CORO2B: variants seen among roughly 807,000 people sequenced by gnomAD.
CORO2B encodes coronin-2B.
A neutral mutation model predicts 58.8 loss-of-function variants in CORO2B; 26 were observed. The ratio of observed to expected loss-of-function variants is 0.44; its 90% CI spans 0.32 to 0.61. The LOEUF (loss-of-function observed/expected upper bound fraction) is 0.61, where lower values mean the gene tolerates loss of function less well. CORO2B is among the 20% of genes least tolerant of loss of function. CORO2B has a pLI of 0.04. For missense variants in CORO2B, 460 were observed against 645.1 expected (o/e 0.71, Z 3.11); for synonymous variants, 242 against 253.8 (o/e 0.95, Z 0.44).
intron 1 of CORO2B, among the ~76,000 whole-genome samples, chr15:68,604,733 G>T (rs4777072): frequency 0.44 from 66,112 of 151,980 alleles, 15,785 homozygotes; most frequent in African/African-American, 0.63. Context: ...TTATGGGTGC[G>T]TTTGTTTACA....
At chr15:68,696,580 C>CAGGGAA (rs141610367) in intron 3 of CORO2B, among the ~76,000 whole-genome samples, 59 of 113,124 alleles carry the variant, frequency 5.2e-4, no homozygotes, top group African/African-American at 1.7e-3. Context: ...AAAAAGAATC[C>CAGGGAA]AGGGAAAGTG....
At chr15:68,698,468 C>T (rs1892565895) in intron 3 of CORO2B, among the ~76,000 whole-genome samples, 1 of 152,160 alleles carries the variant, frequency 6.6e-6, no homozygotes, top group South Asian at 2.1e-4. Context: ...TCCAGGACCC[C>T]AGCTTGTAAA....
At chr15:68,539,544 G>A in the CORO2B span, among the ~76,000 whole-genome samples, 1 of 151,780 alleles carries the variant, frequency 6.6e-6, no homozygotes. Flanking sequence ...TCGTGGCAGC[G>A]TGTGCCTGTA....
chr15:68,601,557 A>T (rs1222811887), intron 1 of CORO2B, among the ~76,000 whole-genome samples: 1 of 152,210 alleles, frequency 6.6e-6, no homozygotes, highest in Non-Finnish European at 1.5e-5. Context: ...CTGGAGGAGC[A>T]GCAGCCACAC....
intron 2 of CORO2B, among the ~76,000 whole-genome samples, chr15:68,663,026 T>C (rs1902064255): frequency 6.6e-6 from 1 of 152,192 alleles, no homozygotes; most frequent in African/African-American, 2.4e-5. Context: ...TTTCAAATTG[T>C]CGCTAAACTC....
At chr15:68,562,869 C>T in the CORO2B span, among the ~76,000 whole-genome samples, 1 of 151,230 alleles carries the variant, frequency 6.6e-6, no homozygotes, top group Non-Finnish European at 1.5e-5. Flanking sequence ...ACCAGCTACT[C>T]GGGAGGCTGA....
chr15:68,640,785 A>T (rs761785221), intron 1 of CORO2B, among the ~76,000 whole-genome samples: 1 of 152,228 alleles, frequency 6.6e-6, no homozygotes, highest in African/African-American at 2.4e-5. Context: ...GGCAGGAGTC[A>T]TGATTTTTGC....
At chr15:68,547,882 C>T in the CORO2B span, among the ~76,000 whole-genome samples, 2 of 152,086 alleles carry the variant, frequency 1.3e-5, no homozygotes, top group African/African-American at 2.4e-5. Context: ...CTTAAAAGTA[C>T]GTTTTTGGCC....
rs759394054 is a variant in CORO2B at position 68,725,894 on chromosome 15, G to C, written c.1363G>C (p.Glu455Gln). 1 of 1,614,034 alleles carries C rather than the reference G, an allele frequency of 6.2e-7. No individual in the cohort carries two copies. The highest frequency in any genetic ancestry group is 2.2e-5 in the East Asian group (1 of 44,878). ...GGATGAGATTCGACGGTTGAAAGAG[G>C]AGCTGGCCCAGAAGGACATCCGCAT... ...QQDEIRRLKE[E>Q]LAQKDIRIRQ... Residue 455 changes from glutamate (E) to glutamine (Q), a missense_variant, in exon 12 of 12, where the codon GAG becomes CAG. By Grantham distance (29) the Glu-to-Gln change is conservative. Coordinates refer to ENST00000261861, the MANE Select transcript of CORO2B (RefSeq NM_006091.5).
the CORO2B span, among the ~76,000 whole-genome samples, chr15:68,562,098 C>T: frequency 1.3e-5 from 2 of 152,188 alleles, no homozygotes; most frequent in Non-Finnish European, 2.9e-5. Flanking sequence ...TGTTGTCCTC[C>T]AGCCACCCCT....
intron 2 of CORO2B, among the ~76,000 whole-genome samples, chr15:68,680,516 T>C (rs540560240): frequency 1.8e-4 from 28 of 152,326 alleles, no homozygotes; most frequent in African/African-American, 6.5e-4. Flanking sequence ...TTGTGCAGTG[T>C]ACAGTCCATG....
the CORO2B span, among the ~76,000 whole-genome samples, chr15:68,518,708 A>AG: frequency 1.3e-5 from 2 of 152,044 alleles, no homozygotes; most frequent in African/African-American, 4.8e-5. Context: ...TAGGGTCCCC[A>AG]GGGGCTTCCT....
the CORO2B span, among the ~76,000 whole-genome samples, chr15:68,539,173 G>C: frequency 6.6e-6 from 1 of 152,192 alleles, no homozygotes; most frequent in Non-Finnish European, 1.5e-5. Context: ...AGCTGCAGGA[G>C]CCTGCTGAGA....
intron 2 of CORO2B, among the ~76,000 whole-genome samples, chr15:68,679,753 C>T (rs1902710691): frequency 6.6e-6 from 1 of 152,154 alleles, no homozygotes; most frequent in Non-Finnish European, 1.5e-5. Context: ...TGAGGATCAA[C>T]CAACCTCCAC....
intron 3 of CORO2B, among the ~76,000 whole-genome samples, chr15:68,699,163 G>T (rs1892583157): frequency 6.6e-6 from 1 of 152,138 alleles, no homozygotes; most frequent in Non-Finnish European, 1.5e-5. Context: ...GAGCCCTGGG[G>T]TGGTGGTCAG....
chr15:68,689,264 C>A (rs1892297975), intron 2 of CORO2B, among the ~76,000 whole-genome samples: 1 of 152,032 alleles, frequency 6.6e-6, no homozygotes, highest in Admixed American at 6.5e-5. Context: ...TCTGCCCCAG[C>A]TCTGTTGAGA....
chr15:68,722,816 C>G (rs960295848), intron 11 of CORO2B, among the ~76,000 whole-genome samples: 7 of 152,126 alleles, frequency 4.6e-5, no homozygotes, highest in Admixed American at 1.3e-4. Context: ...GCCTATAATC[C>G]CAGCACTTTG....
the CORO2B span, among the ~76,000 whole-genome samples, chr15:68,541,312 A>G: frequency 6.6e-6 from 1 of 152,116 alleles, no homozygotes; most frequent in African/African-American, 2.4e-5. Flanking sequence ...CAGGGTCATC[A>G]TGTTCATTTG....
intron 2 of CORO2B, among the ~76,000 whole-genome samples, chr15:68,674,161 G>A (rs758072501): frequency 1.3e-5 from 2 of 152,158 alleles, no homozygotes; most frequent in African/African-American, 2.4e-5. Flanking sequence ...ATGTGGCTGA[G>A]AGTAGCGCAG....
Sources: allele counts gnomAD v4.1 joint callset (sites outside exome capture counted in the v4.1 genomes callset), GRCh38; gene constraint gnomAD v4.1.1; transcripts MANE v1.5; gene names NCBI Gene and HGNC (gene_info 2026-07-23, HGNC 2026-07-21).